SH2D4B: variants seen among roughly 807,000 people sequenced by gnomAD.
The protein encoded by SH2D4B is SH2 domain-containing protein 4B.
In SH2D4B, 45 loss-of-function variants were observed where a neutral mutation model predicts 61.5. The observed-to-expected ratio is 0.73, with a 90% CI of 0.58 to 0.94. SH2D4B has a LOEUF of 0.94. SH2D4B is among the 40% of genes least tolerant of loss of function. The probability of loss-of-function intolerance (pLI) is 0.00; values close to 1 mark genes in which losing one functional copy is unlikely to be tolerated. For missense variants in SH2D4B, 572 were observed against 574.2 expected (o/e 1.00, Z 0.04); for synonymous variants, 224 against 220.4 (o/e 1.02, Z -0.14).
chr10:80,542,262 TG>T (rs1331432495), intron 1 of SH2D4B, among the ~76,000 whole-genome samples: 1 of 152,074 alleles, frequency 6.6e-6, no homozygotes, highest in Non-Finnish European at 1.5e-5. Flanking sequence ...CACAACCCTG[TG>T]GACTCCTCTC....
chr10:80,549,203 TTG>T (rs1554874982), intron 1 of SH2D4B, among the ~76,000 whole-genome samples: 60 of 120,296 alleles, frequency 5.0e-4, no homozygotes, highest in Non-Finnish European at 7.6e-4. Flanking sequence ...TGGGACTTGA[TTG>T]TGTGTGTGTG....
At chr10:80,614,168 G>A (rs568179988) in intron 6 of SH2D4B, among the ~76,000 whole-genome samples, 6 of 152,272 alleles carry the variant, frequency 3.9e-5, no homozygotes, top group Admixed American at 3.3e-4. Context: ...ACAAATACCC[G>A]AGGCTGGGTA....
intron 4 of SH2D4B, 111 bp downstream of exon 4, chr10:80,588,888 G>A: frequency 1.5e-6 from 2 of 1,348,466 alleles, no homozygotes; most frequent in South Asian, 2.7e-5. Flanking sequence ...CACCCCATCA[G>A]CCTTTACTTG....
chr10:80,626,864 G>A (rs1395343168), intron 6 of SH2D4B, among the ~76,000 whole-genome samples: 3 of 152,188 alleles, frequency 2.0e-5, no homozygotes, highest in Non-Finnish European at 2.9e-5. Flanking sequence ...CACTGGACTT[G>A]GAGTCCGAGG....
chr10:80,542,919 C>A (rs1257692956), intron 1 of SH2D4B, among the ~76,000 whole-genome samples: 1 of 152,206 alleles, frequency 6.6e-6, no homozygotes, highest in South Asian at 2.1e-4. Flanking sequence ...CACTGTCCTG[C>A]CCTCATTCCA....
intron 4 of SH2D4B, among the ~76,000 whole-genome samples, chr10:80,597,353 C>G (rs1006339577): frequency 6.6e-6 from 1 of 152,148 alleles, no homozygotes; most frequent in African/African-American, 2.4e-5. Flanking sequence ...GGTAGGTGTG[C>G]CAACATAGGT....
intron 4 of SH2D4B, among the ~76,000 whole-genome samples, chr10:80,592,032 C>T (rs909118004): frequency 2.6e-5 from 4 of 152,178 alleles, no homozygotes; most frequent in Non-Finnish European, 5.9e-5. Flanking sequence ...AATTCCTTGA[C>T]GTCCTTGCCA....
chr10:80,585,326 C>CTTT (rs35967768), intron 3 of SH2D4B, among the ~76,000 whole-genome samples: 88 of 142,344 alleles, frequency 6.2e-4, no homozygotes, highest in African/African-American at 2.2e-3. Context: ...TCCTCTTTTT[C>CTTT]TTTTTTTTTT....
At chr10:80,540,274 T>G (rs1354705742) in intron 1 of SH2D4B, among the ~76,000 whole-genome samples, 1 of 152,200 alleles carries the variant, frequency 6.6e-6, no homozygotes, top group Admixed American at 6.5e-5. Context: ...GCTTCGGTCC[T>G]GCCTTTTGGA....
Position 80,592,103 on chromosome 10 carries a change from T to G in SH2D4B, c.643+3326T>G, listed in dbSNP as rs371535981. On this transcript the variant is annotated intron_variant, in intron 4 of 7. Coordinates refer to ENST00000646907, the MANE Select transcript of SH2D4B (RefSeq NM_001388272.1). ...CCTTTCTAGTGTGTGTGAAGTGACA[T>G]CTCATCGTGGTTTTGATTTGCATTT... Among the ~76,000 whole-genome samples the G allele has an allele frequency of 2.0e-5, 3 of 152,334 alleles. No homozygotes were observed. The East Asian group carries it at 5.8e-4, about 29-fold the overall frequency.
chr10:80,622,499 C>A (rs1366951186), intron 6 of SH2D4B, among the ~76,000 whole-genome samples: 2 of 152,236 alleles, frequency 1.3e-5, no homozygotes, highest in Non-Finnish European at 2.9e-5. Flanking sequence ...CCAAACAGGG[C>A]AGCTTGCTTT....
At chr10:80,622,866 C>T (rs1343470379) in intron 6 of SH2D4B, among the ~76,000 whole-genome samples, 1 of 152,026 alleles carries the variant, frequency 6.6e-6, no homozygotes, top group East Asian at 1.9e-4. Context: ...TTTTCTCGGC[C>T]CATTTGAGCT....
intron 6 of SH2D4B, among the ~76,000 whole-genome samples, chr10:80,617,870 G>A (rs1488953123): frequency 2.0e-5 from 3 of 152,238 alleles, no homozygotes; most frequent in Non-Finnish European, 4.4e-5. Context: ...GAAAGGGCCT[G>A]CTTGTCTCTC....
intron 7 of SH2D4B, among the ~76,000 whole-genome samples, chr10:80,639,940 C>T (rs1840259894): frequency 6.6e-6 from 1 of 152,108 alleles, no homozygotes; most frequent in South Asian, 2.1e-4. Context: ...TGTTCCTTTC[C>T]ATGTTTAGTG....
At chr10:80,548,196 A>G (rs115141600) in intron 1 of SH2D4B, among the ~76,000 whole-genome samples, 4,909 of 152,050 alleles carry the variant, frequency 0.032, 81 homozygotes, top group Middle Eastern at 0.051. Flanking sequence ...AGACAGTTTC[A>G]CTCTGTCGCC....
Position 80,539,600 on chromosome 10 carries a change from TG to T in SH2D4B, c.184+1086del, listed in dbSNP as rs1841551754. Among the ~76,000 whole-genome samples, 1 of 152,052 alleles carries T rather than the reference TG, an allele frequency of 6.6e-6. No individual in the cohort carries two copies. Among genetic ancestry groups the T allele is most frequent in the Non-Finnish European group, 1.5e-5 (1 of 67,998 alleles). ...CAGGAGTGGCCCCCCTGCCCTGGAG[TG>T]TTCAGGGATGCTCTTGCATAGGGCA... On this transcript the variant is annotated intron_variant, in intron 1 of 7. Coordinates refer to ENST00000646907, the MANE Select transcript of SH2D4B (RefSeq NM_001388272.1). The surrounding 1 kb of genome is among the most constrained non-coding windows in gnomAD (Gnocchi z 4.9).
chr10:80,628,397 G>A (rs755705277), intron 6 of SH2D4B, among the ~76,000 whole-genome samples: 9 of 152,162 alleles, frequency 5.9e-5, no homozygotes, highest in Non-Finnish European at 1.2e-4. Context: ...TGCCATCCAC[G>A]TAAGATGTGA....
intron 6 of SH2D4B, among the ~76,000 whole-genome samples, chr10:80,622,247 C>T (rs534015594): frequency 6.6e-6 from 1 of 152,256 alleles, no homozygotes; most frequent in African/African-American, 2.4e-5. Context: ...TTCTGATAGG[C>T]TTCACATGTA....
chr10:80,625,990 T>G (rs1199213491), intron 6 of SH2D4B, among the ~76,000 whole-genome samples: 4 of 152,258 alleles, frequency 2.6e-5, no homozygotes, highest in African/African-American at 9.6e-5. Context: ...TTGAAACTCC[T>G]ACTCCCTACT....
Sources: allele counts gnomAD v4.1 joint callset (sites outside exome capture counted in the v4.1 genomes callset), GRCh38; gene constraint gnomAD v4.1.1; non-coding constraint Gnocchi (gnomAD v3.1); transcripts MANE v1.5; gene names NCBI Gene and HGNC (gene_info 2026-07-23, HGNC 2026-07-21).